The following SMYD4 variants were observed in gnomAD, a reference collection of about 807,000 sequenced individuals.
SMYD4 encodes protein-lysine N-methyltransferase SMYD4.
Under a neutral mutation model 72.8 loss-of-function variants are expected in SMYD4, and 68 were observed. The ratio of observed to expected loss-of-function variants is 0.93; its 90% CI spans 0.77 to 1.14. The LOEUF (loss-of-function observed/expected upper bound fraction) is 1.14. Ranked by LOEUF, SMYD4 falls within the 50% of genes most tolerant of loss-of-function variation. The pLI, the probability that SMYD4 is intolerant of heterozygous loss-of-function variation, is 0.00. For missense variants in SMYD4, 984 were observed against 1,003.7 expected, an observed-to-expected ratio of 0.98 and a Z score of 0.27; for synonymous variants, 407 against 388.6, an observed-to-expected ratio of 1.05 and a Z score of -0.56.
At chr17:1,794,334 T>C (rs1278784102) in intron 5 of SMYD4, among the ~76,000 whole-genome samples, 1 of 148,622 alleles carries the variant, frequency 6.7e-6, no homozygotes. Context: ...TTAGCCAGGA[T>C]GGACACGATC....
At chr17:1,809,643 G>C (rs993224504) in intron 3 of SMYD4, among the ~76,000 whole-genome samples, 1 of 150,910 alleles carries the variant, frequency 6.6e-6, no homozygotes, top group Admixed American at 6.6e-5. Context: ...CCAAAGTGCT[G>C]GGATTATAGG....
At chr17:1,784,760 A>G (rs887165303) in intron 7 of SMYD4, among the ~76,000 whole-genome samples, 7 of 151,878 alleles carry the variant, frequency 4.6e-5, no homozygotes, top group Admixed American at 2.0e-4. Context: ...TGGGGCCAGG[A>G]CTTTAGATGA....
At chr17:1,799,814 C>G (rs73295073) in intron 5 of SMYD4, 43 bp downstream of exon 5, 2 of 1,500,882 alleles carry the variant, frequency 1.3e-6, no homozygotes, top group Admixed American at 2.2e-5. Flanking sequence ...CCTGCTCCAT[C>G]GAGAACAATA....
At chr17:1,825,611 A>C (rs756594466) in intron 2 of SMYD4, among the ~76,000 whole-genome samples, 1 of 151,210 alleles carries the variant, frequency 6.6e-6, no homozygotes, top group African/African-American at 2.4e-5. Flanking sequence ...TCCCAGGTTC[A>C]AGTGATCCTC....
chr17:1,818,330 C>T (rs72822483), intron 2 of SMYD4, among the ~76,000 whole-genome samples: 25,793 of 152,138 alleles, frequency 0.17, 2,272 homozygotes, highest in Middle Eastern at 0.2. Flanking sequence ...TGGACATAAT[C>T]GCTTAATACC....
At chr17:1,794,065 A>ATATATGTATATATATG (rs1555575715) in intron 5 of SMYD4, among the ~76,000 whole-genome samples, 3 of 58,312 alleles carry the variant, frequency 5.1e-5, no homozygotes, top group Non-Finnish European at 7.8e-5. Flanking sequence ...GTGTATATAT[A>ATATATGTATATATATG]TGTGTATATA....
At chr17:1,822,939 TAGAAGAAGCCTTAA>T (rs1489369027) in intron 2 of SMYD4, among the ~76,000 whole-genome samples, 1 of 152,152 alleles carries the variant, frequency 6.6e-6, no homozygotes, top group African/African-American at 2.4e-5. Context: ...CTTAAGGACA[TAGAAGAAGCCTTAA>T]AGAAATGGAC....
intron 1 of SMYD4, among the ~76,000 whole-genome samples, 172 bp from the exon 2 acceptor site, chr17:1,828,178 G>A (rs1911302544): frequency 6.6e-6 from 1 of 151,882 alleles, no homozygotes. Context: ...GTGAAACCCC[G>A]TCTCTACTAA....
chr17:1,819,122 C>T (rs1438438425), intron 2 of SMYD4, among the ~76,000 whole-genome samples: 3 of 152,002 alleles, frequency 2.0e-5, no homozygotes, highest in Non-Finnish European at 2.9e-5. Context: ...TTAGGGAGGC[C>T]GAGGCAGGCG....
intron 5 of SMYD4, among the ~76,000 whole-genome samples, chr17:1,794,081 G>GTGTGTATATATATATATA (rs1454228796): frequency 1.2e-4 from 2 of 17,122 alleles, no homozygotes; most frequent in Non-Finnish European, 2.2e-4. Context: ...ATATATATGT[G>GTGTGTATATATATATATA]TATATATATA....
intron 2 of SMYD4, among the ~76,000 whole-genome samples, chr17:1,816,890 T>C (rs1910629817): frequency 6.6e-6 from 1 of 152,036 alleles, no homozygotes; most frequent in Admixed American, 6.6e-5. Context: ...GTCAAGTCCT[T>C]TGCCTATTTT....
chr17:1,807,139 C>T (rs1000993489), intron 3 of SMYD4, among the ~76,000 whole-genome samples: 1 of 152,098 alleles, frequency 6.6e-6, no homozygotes, highest in Non-Finnish European at 1.5e-5. Flanking sequence ...ATCCACCCGT[C>T]TCGGTCTCCC....
At chr17:1,827,794 C>T (rs1022363770) in intron 2 of SMYD4, 67 bp downstream of exon 2, 3 of 1,550,700 alleles carry the variant, frequency 1.9e-6, no homozygotes, top group Non-Finnish European at 1.8e-6. Flanking sequence ...CACATTACTT[C>T]AGAGCAAATG....
At chr17:1,782,855 C>T in intron 10 of SMYD4, 180 bp downstream of exon 10, 1 of 963,984 alleles carries the variant, frequency 1.0e-6, no homozygotes, top group Non-Finnish European at 1.4e-6. Flanking sequence ...CAAGCTCCGC[C>T]TCCCAGGAGG....
chr17:1,789,764 C>CAAAAAAAAAAAAAAAA (rs60740904), intron 5 of SMYD4, among the ~76,000 whole-genome samples: 1 of 90,098 alleles, frequency 1.1e-5, no homozygotes, highest in African/African-American at 3.7e-5. Context: ...GACTCTGTCT[C>CAAAAAAAAAAAAAAAA]AAAAAAAAAA....
intron 2 of SMYD4, among the ~76,000 whole-genome samples, chr17:1,822,454 C>T (rs984707307): frequency 1.3e-5 from 2 of 152,114 alleles, no homozygotes; most frequent in African/African-American, 4.8e-5. Context: ...ATCTGGTCTA[C>T]ATAGTTTTAC....
rs1316249287 is a variant in SMYD4 at position 1,793,835 on chromosome 17, T to G, written c.1537+6022A>C. On this transcript the variant is annotated intron_variant, in intron 5 of 10. Transcript: ENST00000305513. ...TTCTGCCTCTCAGTGCAGTGTTTTT[T>G]TTTTGAGAGGAAGTTTCACTCGTTG... Among the ~76,000 whole-genome samples, 7 of 150,684 alleles carry G rather than the reference T, an allele frequency of 4.6e-5. No individual in the cohort carries two copies. The Admixed American group carries it at 4.7e-4, about 10-fold the overall frequency.
Position 1,798,731 on chromosome 17 carries a change from C to T in SMYD4, c.1537+1126G>A, listed in dbSNP as rs1044860435. On this transcript the variant is annotated intron_variant, in intron 5 of 10. Transcript: ENST00000305513. Reference sequence around the variant, plus strand: ...TGGCCAACATGGCAAAACCCCGTCTCTACTAACAACACAAAAAAATTAGCC... The same window carrying T: ...TGGCCAACATGGCAAAACCCCGTCTTTACTAACAACACAAAAAAATTAGCC... 2.0e-5 allele frequency among the ~76,000 whole-genome samples: 3 copies of T among 152,162 alleles called. No individual in the cohort carries two copies. The South Asian group carries it at 6.2e-4, about 32-fold the overall frequency.
chr17:1,781,606 G>A (rs2151216487), intron 10 of SMYD4, 167 bp from the exon 11 acceptor site: 1 of 680,080 alleles, frequency 1.5e-6, no homozygotes, highest in East Asian at 3.3e-5. Context: ...CAAAACAAAA[G>A]TGTGAGAAAA....
Sources: allele counts gnomAD v4.1 joint callset (sites outside exome capture counted in the v4.1 genomes callset), GRCh38; gene constraint gnomAD v4.1.1; transcripts MANE v1.5; gene names NCBI Gene and HGNC (gene_info 2026-07-23, HGNC 2026-07-21).